The following SOCS5 variants were observed in gnomAD, a reference collection of about 807,000 sequenced individuals.
SOCS5 encodes the protein CIS-6.
Under a neutral mutation model 42.8 loss-of-function variants are expected in SOCS5, and 32 were observed. The ratio of observed to expected loss-of-function variants is 0.75; its 90% CI spans 0.56 to 1.01. SOCS5 has a LOEUF of 1.01. Ranked by LOEUF, SOCS5 falls within the 50% of genes least tolerant of loss-of-function variation. The probability of loss-of-function intolerance (pLI) is 0.00; values close to 1 mark genes in which losing one functional copy is unlikely to be tolerated. For missense variants in SOCS5, 627 were observed against 653.0 expected, an observed-to-expected ratio of 0.96 and a Z score of 0.43; for synonymous variants, 283 against 229.6, an observed-to-expected ratio of 1.23 and a Z score of -2.10.
At chr2:46,721,015 T>C (rs1037173305) in intron 1 of SOCS5, among the ~76,000 whole-genome samples, 1 of 152,164 alleles carries the variant, frequency 6.6e-6, no homozygotes, top group African/African-American at 2.4e-5. Context: ...CAAATCCAAA[T>C]CAGAGGTGAA....
chr2:46,740,393 A>C (rs1024972215), intron 1 of SOCS5, among the ~76,000 whole-genome samples: 1 of 152,156 alleles, frequency 6.6e-6, no homozygotes, highest in African/African-American at 2.4e-5. Flanking sequence ...TTTGCTTTTA[A>C]TTTTCTGTCT....
chr2:46,742,898 T>G (rs1485164891), intron 1 of SOCS5, among the ~76,000 whole-genome samples: 1 of 152,116 alleles, frequency 6.6e-6, no homozygotes, highest in African/African-American at 2.4e-5. Context: ...ACTCCTGACC[T>G]TGTGACCTGC....
At chr2:46,707,224 G>A (rs909382900) in intron 1 of SOCS5, among the ~76,000 whole-genome samples, 3 of 152,252 alleles carry the variant, frequency 2.0e-5, no homozygotes, top group South Asian at 4.1e-4. Context: ...CATCTATAAC[G>A]GAAGAATTTT....
intron 1 of SOCS5, among the ~76,000 whole-genome samples, chr2:46,702,823 T>C (rs1230986614): frequency 6.6e-6 from 1 of 152,232 alleles, no homozygotes; most frequent in Non-Finnish European, 1.5e-5. Context: ...TTATAAGTTA[T>C]CTCAGAATCC....
intron 1 of SOCS5, among the ~76,000 whole-genome samples, chr2:46,711,125 A>C (rs1454876189): frequency 6.6e-6 from 1 of 152,194 alleles, no homozygotes; most frequent in Non-Finnish European, 1.5e-5. Flanking sequence ...ATTCTTGTAT[A>C]AGTCTTTTTG....
chr2:46,714,999 TTTC>T (rs563299435), intron 1 of SOCS5, among the ~76,000 whole-genome samples: 83 of 152,312 alleles, frequency 5.4e-4, no homozygotes, highest in African/African-American at 1.9e-3. Flanking sequence ...GTTACTTCCA[TTTC>T]TTCTTTTCCA....
chr2:46,759,386 A>G lies in SOCS5; in HGVS notation c.856A>G (p.Thr286Ala), dbSNP rs1673807348. 6.2e-7 allele frequency: 1 copy of G among 1,613,984 alleles called. No homozygotes were observed. Among genetic ancestry groups the G allele is most frequent in the South Asian group, 1.1e-5 (1 of 91,072 alleles). ...TCCCCCTCCCAATGCACAAATACAT[A>G]CATTTGAAGCTACTGCACAGGTTAA... ...VDPPPNAQIHTFEATAQVNPL... is the reference protein window; with the variant it reads ...VDPPPNAQIHAFEATAQVNPL... The change falls in exon 2 of 2, where the codon ACA becomes GCA. Residue 286 changes from threonine (T) to alanine (A), a missense_variant. Around this residue, in one of 3 missense-constraint regions of SOCS5, gnomAD observed 340 missense variants for 367.6 expected, o/e 0.92. Transcript: ENST00000394861.
intron 1 of SOCS5, among the ~76,000 whole-genome samples, chr2:46,753,767 C>G (rs1419043679): frequency 6.6e-6 from 1 of 152,078 alleles, no homozygotes; most frequent in Non-Finnish European, 1.5e-5. Flanking sequence ...AAGGGGTGGG[C>G]AATTCCTGGA....
At chr2:46,722,060 T>C (rs796200466) in intron 1 of SOCS5, among the ~76,000 whole-genome samples, 2 of 152,198 alleles carry the variant, frequency 1.3e-5, no homozygotes, top group African/African-American at 4.8e-5. Flanking sequence ...TTTAAACTTC[T>C]ATTTGATTGT....
chr2:46,737,612 C>T (rs2103736380), intron 1 of SOCS5, among the ~76,000 whole-genome samples: 1 of 152,280 alleles, frequency 6.6e-6, no homozygotes, highest in South Asian at 2.1e-4. Context: ...CAATCAGATT[C>T]TTCTACTAAA....
At chr2:46,711,080 G>C (rs573893271) in intron 1 of SOCS5, among the ~76,000 whole-genome samples, 2 of 152,156 alleles carry the variant, frequency 1.3e-5, no homozygotes, top group Non-Finnish European at 2.9e-5. Flanking sequence ...ATTGTTTCCA[G>C]TTTTCAACTG....
chr2:46,743,894 C>A (rs1024553916), intron 1 of SOCS5, among the ~76,000 whole-genome samples: 4 of 152,038 alleles, frequency 2.6e-5, no homozygotes, highest in Non-Finnish European at 5.9e-5. Flanking sequence ...ATAAAGGAAG[C>A]ATATCAGTTT....
rs761403245 is a variant in SOCS5 at position 46,758,898 on chromosome 2, A to G, written c.368A>G (p.Lys123Arg). ...SYSRHAPWGG[K>R]KKHSCSTKTQ... ...TCTCGACATGCTCCATGGGGTGGGA[A>G]GAAAAAACATTCCTGTTCTACAAAG... Residue 123 changes from lysine to arginine, a missense_variant, in exon 2 of 2, where the codon AAG (lysine) becomes AGG (arginine). Physicochemically the swap from Lys to Arg is conservative, Grantham distance 26. Coordinates refer to ENST00000394861, the MANE Select transcript of SOCS5 (RefSeq NM_144949.3). 3.7e-6 allele frequency: 6 copies of G among 1,613,962 alleles called. No individual in the cohort carries two copies. The Admixed American group carries it at 5.0e-5, about 13-fold the overall frequency.
chr2:46,712,544 A>G (rs140590779), intron 1 of SOCS5, among the ~76,000 whole-genome samples: 2,805 of 152,144 alleles, frequency 0.018, 73 homozygotes, highest in African/African-American at 0.059. Flanking sequence ...GGGTTTCACC[A>G]TATTGGCCAG....
At chr2:46,757,875 G>A (rs1673764809) in intron 1 of SOCS5, among the ~76,000 whole-genome samples, 1 of 151,840 alleles carries the variant, frequency 6.6e-6, no homozygotes, top group Non-Finnish European at 1.5e-5. Flanking sequence ...CAAAAAAAAA[G>A]AAAAAGGAAA....
intron 1 of SOCS5, among the ~76,000 whole-genome samples, chr2:46,738,447 C>T (rs1673300363): frequency 6.6e-6 from 1 of 152,094 alleles, no homozygotes; most frequent in South Asian, 2.1e-4. Flanking sequence ...AAGATTTTCC[C>T]AAGAAATCAA....
intron 1 of SOCS5, among the ~76,000 whole-genome samples, chr2:46,722,930 G>A (rs1672913776): frequency 6.6e-6 from 1 of 152,002 alleles, no homozygotes; most frequent in African/African-American, 2.4e-5. Flanking sequence ...ATATTTTTAT[G>A]TACTCAGTTG....
rs1673838837 is a variant in SOCS5 at position 46,760,373 on chromosome 2, A to G, written c.*232A>G. On this transcript the variant is annotated 3_prime_UTR_variant, in exon 2 of 2. Transcript: ENST00000394861. ...GTAAGACTACAAAAACATTTTGCCTATTTCGCTAACAGTTTGGTTTTTAAT... is the reference window on the plus strand; with the variant it reads ...GTAAGACTACAAAAACATTTTGCCTGTTTCGCTAACAGTTTGGTTTTTAAT... 1 of 444,660 alleles carries G rather than the reference A, an allele frequency of 2.2e-6. No homozygotes were observed. The highest frequency in any genetic ancestry group is 4.1e-6 in the Non-Finnish European group (1 of 243,538). 27.5% of individuals were successfully genotyped at this position (444,660 alleles called of 1,614,324 possible). A position where few individuals can be genotyped will look rare whatever the true frequency, so the allele number is the denominator to read the frequency against.
intron 1 of SOCS5, among the ~76,000 whole-genome samples, chr2:46,715,697 A>G (rs890027494): frequency 4.6e-5 from 7 of 152,128 alleles, no homozygotes; most frequent in African/African-American, 1.4e-4. Context: ...CTCTGTATAT[A>G]ATATGTTTTT....
Sources: gnomAD v4.1 joint callset for allele counts (sites outside exome capture counted in the v4.1 genomes callset) on GRCh38, gnomAD v4.1.1 for gene constraint, gnomAD v4.1.1 regional missense constraint, MANE v1.5 for transcripts, NCBI Gene and HGNC (gene_info 2026-07-23, HGNC 2026-07-21) for gene names.